The following RPS3A variants were observed in gnomAD, a reference collection of about 807,000 sequenced individuals.
RPS3A encodes the protein ribosomal protein S3A, also known as small ribosomal subunit protein eS1.
In RPS3A, 1 loss-of-function variant was observed where a neutral mutation model predicts 26.4. That is an observed-to-expected ratio of 0.04 (90% CI 0.01 to 0.18). The LOEUF is 0.18. Among genes scored for constraint, RPS3A ranks in the 10% least tolerant of loss-of-function variants. The pLI is 1.00. For synonymous variants in RPS3A, 97 were observed against 106.1 expected, an observed-to-expected ratio of 0.91 and a Z score of 0.53; for missense variants, 139 against 326.8, an observed-to-expected ratio of 0.43 and a Z score of 4.43.
At chr4:151,103,958 TCTA>T in intron 4 of RPS3A, 2 of 1,520,526 alleles carry the variant, frequency 1.3e-6, no homozygotes, top group Non-Finnish European at 1.8e-6. Flanking sequence ...CTCAGAAGAC[TCTA>T]CTAACTTTGC....
chr4:151,101,242 A>C, intron 3 of RPS3A, 80 bp downstream of exon 3: 1 of 789,342 alleles, frequency 1.3e-6, no homozygotes, highest in Non-Finnish European at 1.9e-6. Flanking sequence ...TGGAAGGAGC[A>C]AGTTCATTTT....
At chr4:151,104,434 T>A in intron 5 of RPS3A, 38 bp from the exon 6 acceptor site, 1 of 1,401,192 alleles carries the variant, frequency 7.1e-7, no homozygotes, top group Non-Finnish European at 9.4e-7. Context: ...ACTAACAGTT[T>A]TTTGGTTTTT....
At chr4:151,100,645 C>T in intron 2 of RPS3A, 57 bp downstream of exon 2, 1 of 1,030,818 alleles carries the variant, frequency 9.7e-7, no homozygotes, top group Non-Finnish European at 1.5e-6. Context: ...TATATTGTAG[C>T]AGGCATCTTG....
chr4:151,100,669 C>A, intron 2 of RPS3A, 81 bp downstream of exon 2: 2 of 856,318 alleles, frequency 2.3e-6, no homozygotes, highest in Non-Finnish European at 1.9e-6. Flanking sequence ...TGTTGTTGGT[C>A]CTGTGGTGGG....
At chr4:151,101,195 T>A (rs551384503) in intron 3 of RPS3A, 33 bp downstream of exon 3, 5 of 1,449,252 alleles carry the variant, frequency 3.5e-6, no homozygotes, top group South Asian at 2.4e-5. Flanking sequence ...GTGGTTGTGC[T>A]ATGGGTGTTT....
intron 1 of RPS3A, chr4:151,100,033 G>T: frequency 1.7e-6 from 1 of 596,112 alleles, no homozygotes; most frequent in South Asian, 1.5e-5. Flanking sequence ...GACAGCAGGA[G>T]TTGAGGAAAG....
At chr4:151,103,247 TTATTATTAC>T (rs1318474362) in intron 4 of RPS3A, 168 bp downstream of exon 4, 1 of 1,245,128 alleles carries the variant, frequency 8.0e-7, no homozygotes, top group African/African-American at 1.5e-5. Context: ...GTAAATATGA[TTATTATTAC>T]TATTATTATT....
At chr4:151,104,439 G>GTTTTGTTTTTT in intron 5 of RPS3A, 33 bp from the exon 6 acceptor site, 1 of 710,330 alleles carries the variant, frequency 1.4e-6, no homozygotes, top group Non-Finnish European at 1.8e-6. Context: ...CAGTTTTTTG[G>GTTTTGTTTTTT]TTTTTTTTTT....
At chr4:151,104,396 A>T in intron 5 of RPS3A, 76 bp from the exon 6 acceptor site, 2 of 1,364,126 alleles carry the variant, frequency 1.5e-6, no homozygotes, top group Non-Finnish European at 1.9e-6. Flanking sequence ...ATGCTTGCAT[A>T]GTAGTGATGA....
chr4:151,100,864 G>A (rs1579555982), intron 2 of RPS3A, 111 bp from the exon 3 acceptor site: 1 of 745,174 alleles, frequency 1.3e-6, no homozygotes, highest in East Asian at 2.6e-5. Context: ...TGATAACAAA[G>A]GTTAAGGTCT....
intron 1 of RPS3A, 143 bp downstream of exon 1, chr4:151,099,857 G>A: frequency 1.1e-6 from 1 of 872,560 alleles, no homozygotes; most frequent in Middle Eastern, 2.1e-4. Context: ...CCAGGAACGC[G>A]GCCTGGAGGG....
intron 1 of RPS3A, 140 bp from the exon 2 acceptor site, chr4:151,100,345 C>T: frequency 1.7e-6 from 1 of 598,668 alleles, no homozygotes; most frequent in Non-Finnish European, 3.0e-6. Flanking sequence ...ATGTTTGTTC[C>T]CCTCACCTCA....
At chr4:151,099,848 C>T (rs1747037442) in intron 1 of RPS3A, 134 bp downstream of exon 1, 2 of 980,158 alleles carry the variant, frequency 2.0e-6, no homozygotes, top group South Asian at 1.4e-5. Flanking sequence ...TTGGTGCACC[C>T]AGGAACGCGG....
intron 3 of RPS3A, among the ~76,000 whole-genome samples, 170 bp downstream of exon 3, chr4:151,101,332 C>G (rs960928608): frequency 1.3e-5 from 2 of 152,216 alleles, no homozygotes; most frequent in African/African-American, 2.4e-5. Context: ...AGTGCTAACT[C>G]TGGGGTTGCC....
chr4:151,102,831 C>T (rs1379586683), intron 3 of RPS3A, 40 bp from the exon 4 acceptor site: 6 of 1,584,234 alleles, frequency 3.8e-6, no homozygotes, highest in Non-Finnish European at 5.2e-6. Flanking sequence ...AAATGGATAA[C>T]GTAAAACCTG....
intron 3 of RPS3A, chr4:151,102,201 T>G: frequency 6.1e-6 from 2 of 328,274 alleles, no homozygotes; most frequent in Admixed American, 3.8e-5. Flanking sequence ...ATTTGATTAG[T>G]TTTTTTTTAT....
At chr4:151,104,112 A>G in intron 4 of RPS3A, 65 bp from the exon 5 acceptor site, 1 of 1,452,992 alleles carries the variant, frequency 6.9e-7, no homozygotes, top group African/African-American at 1.9e-5. Context: ...TCTACTTTTA[A>G]AGGAAATGGC....
At chr4:151,099,963 G>T (rs752162082) in intron 1 of RPS3A, 1 of 670,026 alleles carries the variant, frequency 1.5e-6, no homozygotes, top group South Asian at 1.5e-5. Flanking sequence ...GACTCGGCTG[G>T]AATGTTAGTT....
intron 3 of RPS3A, chr4:151,101,936 T>C (rs1747133043): frequency 2.6e-6 from 1 of 386,148 alleles, no homozygotes; most frequent in Non-Finnish European, 5.0e-6. Context: ...TTTCACCATA[T>C]TGGCCAGGCT....
Sources: allele counts gnomAD v4.1 joint callset (sites outside exome capture counted in the v4.1 genomes callset), GRCh38; gene constraint gnomAD v4.1.1; transcripts MANE v1.5; gene names NCBI Gene and HGNC (gene_info 2026-07-23, HGNC 2026-07-21).